RAB8B: variants seen among roughly 807,000 people sequenced by gnomAD.
RAB8B encodes ras-related protein Rab-8B.
RAB8B carries 11 observed loss-of-function variants against 32.0 expected under a neutral mutation model. The observed-to-expected ratio is 0.34, with a 90% CI of 0.22 to 0.57. The LOEUF (loss-of-function observed/expected upper bound fraction) is 0.57. RAB8B is among the 20% of genes least tolerant of loss of function. RAB8B has a pLI of 0.86. For synonymous variants in RAB8B, 103 were observed against 89.6 expected, an observed-to-expected ratio of 1.15 and a Z score of -0.85; for missense variants, 190 against 258.5, an observed-to-expected ratio of 0.73 and a Z score of 1.82.
At chr15:63,240,471 A>G (rs1025143006) in intron 1 of RAB8B, among the ~76,000 whole-genome samples, 4 of 152,186 alleles carry the variant, frequency 2.6e-5, no homozygotes, top group Admixed American at 2.6e-4. Flanking sequence ...CAGCCTGTTC[A>G]CAAGTTTTTA....
chr15:63,261,922 T>C (rs908675494), intron 6 of RAB8B, among the ~76,000 whole-genome samples: 1 of 152,222 alleles, frequency 6.6e-6, no homozygotes, highest in Admixed American at 6.5e-5. Context: ...GGATAAATTA[T>C]CACGAAGATT....
Position 63,211,374 on chromosome 15 carries a change from C to T in RAB8B, c.124+21626C>T, listed in dbSNP as rs552762703. Among the ~76,000 whole-genome samples, 10 of 152,250 alleles carry T rather than the reference C, an allele frequency of 6.6e-5. No individual in the cohort carries two copies. The East Asian group carries it at 9.6e-4, about 15-fold the overall frequency. On this transcript the variant is annotated intron_variant, in intron 1 of 7. Coordinates refer to ENST00000321437, the MANE Select transcript of RAB8B (RefSeq NM_016530.3). ...GGGAGGTTGGGAGATTATTGTCTCA[C>T]GTACTGTGATATTATAACTGTGTTC...
intron 1 of RAB8B, among the ~76,000 whole-genome samples, chr15:63,197,370 C>CTTTTTTTTTTTT (rs58765418): frequency 4.9e-4 from 30 of 61,402 alleles, no homozygotes; most frequent in South Asian, 7.4e-4. Context: ...TCTTTCTTTT[C>CTTTTTTTTTTTT]TTTTTTTTTT....
chr15:63,245,965 C>T (rs1411931681), intron 2 of RAB8B, among the ~76,000 whole-genome samples: 5 of 152,114 alleles, frequency 3.3e-5, no homozygotes, highest in Admixed American at 2.0e-4. Context: ...CTCCACCTCC[C>T]GGGTTCAAGC....
chr15:63,202,550 T>C (rs374610282), intron 1 of RAB8B, among the ~76,000 whole-genome samples: 2 of 152,164 alleles, frequency 1.3e-5, no homozygotes, highest in African/African-American at 4.8e-5. Context: ...TCTGACTCTT[T>C]CGTGAAAAGG....
intron 1 of RAB8B, among the ~76,000 whole-genome samples, chr15:63,222,341 A>G (rs2037851401): frequency 6.6e-6 from 1 of 152,104 alleles, no homozygotes; most frequent in South Asian, 2.1e-4. Flanking sequence ...TAGGGGTGGT[A>G]GTGGCTCCCT....
At position 63,202,752 on chromosome 15, in the gene RAB8B, C is replaced by G. The variant is rs142052932; in HGVS notation, c.124+13004C>G. Among the ~76,000 whole-genome samples the G allele has an allele frequency of 7.9e-5, 12 of 152,318 alleles. No individual in the cohort carries two copies. In the East Asian group the frequency reaches 2.3e-3, roughly 29 times the overall value. On this transcript the variant is annotated intron_variant, in intron 1 of 7. Coordinates refer to ENST00000321437, the MANE Select transcript of RAB8B (RefSeq NM_016530.3). The stretch of plus-strand genomic sequence containing the variant: ...CTTTTATTTGAAGGTGAAATTGTGT[C>G]TATTCTAGCTTTTGTTTGTAAAAAC...
At chr15:63,240,835 G>A (rs28565206) in intron 1 of RAB8B, among the ~76,000 whole-genome samples, 56,237 of 146,876 alleles carry the variant, frequency 0.38, 11,153 homozygotes, top group South Asian at 0.49. Flanking sequence ...GCCTCTGTCA[G>A]TAGAAGGTTT....
At position 63,254,189 on chromosome 15, in the gene RAB8B, G is replaced by A. The variant is rs565981402; in HGVS notation, c.247-1318G>A. On this transcript the variant is annotated intron_variant, in intron 3 of 7. Transcript: ENST00000321437. ...GGTACCTGGGCTTCCCCTCTTCACCGCAGCTCCTAGCCCTTTGCCTAGTTT... is the reference window on the plus strand; with the variant it reads ...GGTACCTGGGCTTCCCCTCTTCACCACAGCTCCTAGCCCTTTGCCTAGTTT... Among the ~76,000 whole-genome samples the A allele has an allele frequency of 7.2e-5, 11 of 152,170 alleles. No individual in the cohort carries two copies. The South Asian group carries it at 2.3e-3, about 32-fold the overall frequency.
At chr15:63,201,188 A>G (rs774560210) in intron 1 of RAB8B, among the ~76,000 whole-genome samples, 4 of 152,214 alleles carry the variant, frequency 2.6e-5, no homozygotes, top group Non-Finnish European at 5.9e-5. Context: ...AAAATTTTGA[A>G]ACGGGAAAGA....
chr15:63,205,437 A>G (rs981493466), intron 1 of RAB8B, among the ~76,000 whole-genome samples: 4 of 152,182 alleles, frequency 2.6e-5, no homozygotes, highest in Non-Finnish European at 5.9e-5. Context: ...GGTTGAGGCT[A>G]CAGTGAGCTA....
chr15:63,222,646 T>C (rs2141122641), intron 1 of RAB8B, among the ~76,000 whole-genome samples: 1 of 152,290 alleles, frequency 6.6e-6, no homozygotes, highest in South Asian at 2.1e-4. Context: ...CAAGCAATTC[T>C]CCTGCCTCAG....
intron 1 of RAB8B, among the ~76,000 whole-genome samples, chr15:63,192,136 A>C (rs1165945774): frequency 6.6e-6 from 1 of 152,216 alleles, no homozygotes; most frequent in Non-Finnish European, 1.5e-5. Context: ...GGGAAATCCC[A>C]TACCTCTTAT....
At chr15:63,215,844 C>T (rs1420182785) in intron 1 of RAB8B, among the ~76,000 whole-genome samples, 1 of 152,018 alleles carries the variant, frequency 6.6e-6, no homozygotes, top group Admixed American at 6.5e-5. Context: ...TGAGACCAGC[C>T]TGGGCAACAT....
At chr15:63,191,355 T>A (rs986806130) in intron 1 of RAB8B, among the ~76,000 whole-genome samples, 13 of 152,348 alleles carry the variant, frequency 8.5e-5, no homozygotes, top group African/African-American at 3.1e-4. Flanking sequence ...AGGCTATGGT[T>A]TGTTTGCTCA....
chr15:63,264,466 A>G lies in RAB8B; in HGVS notation c.*847A>G, dbSNP rs1457260125. The G allele has an allele frequency of 6.6e-6, 1 of 152,178 alleles. No homozygotes were observed. The highest frequency in any genetic ancestry group is 1.5e-5 in the Non-Finnish European group (1 of 68,040). The allele number at this position is 152,178 out of a possible 1,614,324, so 9.4% of individuals were successfully genotyped here. On this transcript the variant is annotated 3_prime_UTR_variant, in exon 8 of 8. Coordinates refer to ENST00000321437, the MANE Select transcript of RAB8B (RefSeq NM_016530.3). ...GCTGAAATTTTACGTGGGCTGAGAG[A>G]TATACCATTTAGGGTTTTAGTGCAG...
At chr15:63,237,099 TA>T (rs2037987344) in intron 1 of RAB8B, among the ~76,000 whole-genome samples, 1 of 152,262 alleles carries the variant, frequency 6.6e-6, no homozygotes, top group African/African-American at 2.4e-5. Context: ...TATGGCTGAA[TA>T]GTACTCCATT....
Position 63,259,188 on chromosome 15 carries a change from C to T in RAB8B, c.415-439C>T, listed in dbSNP as rs959035102. Among the ~76,000 whole-genome samples the T allele has an allele frequency of 3.9e-5, 6 of 152,112 alleles. No individual in the cohort carries two copies. The highest frequency in any genetic ancestry group is 2.0e-4 in the Admixed American group (3 of 15,272). On this transcript the variant is annotated intron_variant, in intron 5 of 7. Coordinates refer to ENST00000321437, the MANE Select transcript of RAB8B (RefSeq NM_016530.3). This position sits in a 1 kb window ranked among gnomAD's most constrained non-coding sequence, Gnocchi z 4.4. ...GGACTGGAGTGCAGTGGTGCGATCT[C>T]GGCTTACTCCAACCTCTGCCTCCTG...
At chr15:63,222,623 C>A (rs376619883) in intron 1 of RAB8B, among the ~76,000 whole-genome samples, 8 of 152,280 alleles carry the variant, frequency 5.3e-5, no homozygotes, top group South Asian at 4.1e-4. Context: ...CTGCAACCTC[C>A]GCTTCCTGGG....
Sources: gnomAD v4.1 joint callset for allele counts (sites outside exome capture counted in the v4.1 genomes callset) on GRCh38, gnomAD v4.1.1 for gene constraint, Gnocchi (gnomAD v3.1) non-coding constraint, MANE v1.5 for transcripts, NCBI Gene and HGNC (gene_info 2026-07-23, HGNC 2026-07-21) for gene names.